The following SLFN12L variants were observed in gnomAD, a reference collection of about 807,000 sequenced individuals.
SLFN12L encodes the protein schlafen family member 12 like.
Under a neutral mutation model 34.8 loss-of-function variants are expected in SLFN12L, and 34 were observed. That is an observed-to-expected ratio of 0.98 (90% CI 0.74 to 1.30). The LOEUF (loss-of-function observed/expected upper bound fraction) is 1.30, where lower values mean the gene tolerates loss of function less well. Among genes scored for constraint, SLFN12L ranks in the 50% most tolerant of loss-of-function variants. The probability of loss-of-function intolerance (pLI) is 0.00; values close to 1 mark genes in which losing one functional copy is unlikely to be tolerated. For synonymous variants in SLFN12L, 259 were observed against 247.5 expected, an observed-to-expected ratio of 1.05 and a Z score of -0.44; for missense variants, 703 against 696.2, an observed-to-expected ratio of 1.01 and a Z score of -0.11.
At chr17:35,496,358 G>C (rs1278807438) in intron 2 of SLFN12L, among the ~76,000 whole-genome samples, 1 of 152,104 alleles carries the variant, frequency 6.6e-6, no homozygotes, top group Non-Finnish European at 1.5e-5. Context: ...AAAAAAAATA[G>C]ATTTCTTAAA....
chr17:35,523,984 G>T (rs2072307699), intron 1 of SLFN12L, among the ~76,000 whole-genome samples: 1 of 152,030 alleles, frequency 6.6e-6, no homozygotes, highest in Non-Finnish European at 1.5e-5. Flanking sequence ...AGAAAAACAA[G>T]AATGTTTTTG....
At chr17:35,489,555 A>G (rs1035246335) in intron 2 of SLFN12L, among the ~76,000 whole-genome samples, 2 of 151,992 alleles carry the variant, frequency 1.3e-5, no homozygotes, top group African/African-American at 2.4e-5. Flanking sequence ...CCCTGTCCGT[A>G]TATATATGTA....
chr17:35,505,869 T>C (rs1915450433), intron 2 of SLFN12L, among the ~76,000 whole-genome samples: 1 of 152,218 alleles, frequency 6.6e-6, no homozygotes, highest in Non-Finnish European at 1.5e-5. Flanking sequence ...TTTGGACTTG[T>C]ATAGTAAGTA....
rs1365975684 is a variant in SLFN12L at position 35,466,774 on chromosome 17, A to C, written c.*8149T>G. On this transcript the variant is annotated 3_prime_UTR_variant, in exon 5 of 5. Transcript: ENST00000628453. The stretch of plus-strand genomic sequence containing the variant: ...TACTGAAGAGACTTTAACAAGCTCT[A>C]CTCATGCCTCCTAAAGTCTAGACCA... 6.6e-6 allele frequency among the ~76,000 whole-genome samples: 1 copy of C among 152,168 alleles called. No individual in the cohort carries two copies. The highest frequency in any genetic ancestry group is 2.4e-5 in the African/African-American group (1 of 41,430).
rs1490210463 is a variant in SLFN12L at position 35,478,036 on chromosome 17, G to A, written c.1276+39C>T. Reference sequence around the variant, plus strand: ...TTGAAGAGAAGGAGGTTTGAACACAGTTACACCAACAACTCCACGGAAGCC... The same window carrying A: ...TTGAAGAGAAGGAGGTTTGAACACAATTACACCAACAACTCCACGGAAGCC... On this transcript the variant is annotated intron_variant, in intron 4 of 4. Coordinates refer to ENST00000628453, the MANE Select transcript of SLFN12L (RefSeq NM_001363830.2). 10 of 1,322,482 alleles carry A rather than the reference G, an allele frequency of 7.6e-6. No individual in the cohort carries two copies. The East Asian group carries it at 2.3e-4, about 30-fold the overall frequency. The allele number at this position is 1,322,482 out of a possible 1,614,324, so 81.9% of individuals were successfully genotyped here. A position where few individuals can be genotyped will look rare whatever the true frequency, so the allele number is the denominator to read the frequency against.
rs1262114623 is a variant in SLFN12L, at chr17:35,472,098, C to A, written c.*2825G>T. 1.3e-5 allele frequency among the ~76,000 whole-genome samples: 2 copies of A among 152,190 alleles called. No individual in the cohort carries two copies. Among genetic ancestry groups the A allele is most frequent in the Non-Finnish European group, 2.9e-5 (2 of 68,034 alleles). On this transcript the variant is annotated 3_prime_UTR_variant, in exon 5 of 5. Coordinates refer to ENST00000628453, the MANE Select transcript of SLFN12L (RefSeq NM_001363830.2). ...CGTTTGTCAACTTTGGCTTTCGTTG[C>A]AATTGCTTTTGGTGTTTTTGTCATG...
intron 2 of SLFN12L, among the ~76,000 whole-genome samples, chr17:35,508,607 C>A (rs1324636325): frequency 2.0e-5 from 3 of 152,162 alleles, no homozygotes; most frequent in Non-Finnish European, 4.4e-5. Flanking sequence ...CTTGGCCTCC[C>A]AAAGTGCTGG....
intron 2 of SLFN12L, chr17:35,498,661 TC>T: frequency 6.2e-7 from 1 of 1,601,314 alleles, no homozygotes; most frequent in Non-Finnish European, 8.5e-7. Flanking sequence ...ATCCAGGACA[TC>T]CTATCTAACT....
At chr17:35,499,261 T>G (rs1915207207) in intron 2 of SLFN12L, 1 of 818,244 alleles carries the variant, frequency 1.2e-6, no homozygotes, top group Non-Finnish European at 1.8e-6. Flanking sequence ...TATCTTAGAA[T>G]GGACTTCCTA....
intron 2 of SLFN12L, among the ~76,000 whole-genome samples, chr17:35,506,685 TG>T (rs1915473881): frequency 6.6e-6 from 1 of 152,206 alleles, no homozygotes; most frequent in Non-Finnish European, 1.5e-5. Flanking sequence ...AAGCCGAGCA[TG>T]TAGCCCAGTC....
In SLFN12L at chr17:35,487,127, G is replaced by A. The variant is rs147147290; in HGVS notation, c.87-6932C>T. ...CCCTGAATGCTCAGGACTCCAGGAG[G>A]GTGGGCAACCCCCATCCGATGGACA... is the stretch of plus-strand genomic sequence containing the variant. On this transcript the variant is annotated intron_variant, in intron 2 of 4. Transcript: ENST00000628453. 3.0e-3 allele frequency among the ~76,000 whole-genome samples: 453 copies of A among 152,296 alleles called. 1 individual carries two copies. The highest frequency in any genetic ancestry group is 2.9e-3 in the Non-Finnish European group (196 of 68,020).
intron 2 of SLFN12L, 41 bp from the exon 3 acceptor site, chr17:35,480,236 G>A: frequency 7.0e-7 from 1 of 1,430,602 alleles, no homozygotes; most frequent in Non-Finnish European, 9.3e-7. Context: ...AAGCCTGAGA[G>A]ACAGCAAATT....
At chr17:35,483,918 A>G (rs1170369427) in intron 2 of SLFN12L, among the ~76,000 whole-genome samples, 1 of 152,234 alleles carries the variant, frequency 6.6e-6, no homozygotes, top group African/African-American at 2.4e-5. Context: ...TGTAAACAAT[A>G]ATAAAATTGA....
intron 2 of SLFN12L, among the ~76,000 whole-genome samples, chr17:35,520,650 CAGG>C (rs1915969897): frequency 6.6e-6 from 1 of 151,916 alleles, no homozygotes; most frequent in Non-Finnish European, 1.5e-5. Context: ...GAGGTTGAGG[CAGG>C]AGAATTTGCT....
At chr17:35,485,123 A>G (rs565411574) in intron 2 of SLFN12L, among the ~76,000 whole-genome samples, 5 of 152,234 alleles carry the variant, frequency 3.3e-5, no homozygotes, top group African/African-American at 1.2e-4. Context: ...TCTTTCATCA[A>G]TCTAGCTAAA....
chr17:35,536,904 G>C (rs754017845), intron 1 of SLFN12L, among the ~76,000 whole-genome samples: 1 of 150,430 alleles, frequency 6.6e-6, no homozygotes, highest in Non-Finnish European at 1.5e-5. Flanking sequence ...GGCTGGGTAC[G>C]GTGGCTAATG....
In SLFN12L at chr17:35,531,126, G is replaced by T. The variant is rs1390890039; in HGVS notation, c.-606+6447C>A. Among the ~76,000 whole-genome samples the T allele has an allele frequency of 2.6e-5, 4 of 152,174 alleles. No individual in the cohort carries two copies. The East Asian group carries it at 7.7e-4, about 29-fold the overall frequency. On this transcript the variant is annotated intron_variant, in intron 1 of 4. Coordinates refer to ENST00000628453, the MANE Select transcript of SLFN12L (RefSeq NM_001363830.2). ...AAATAAAGGGAATAATAAATGTAAGGGCAGGAGGAAATTGAAAAATTAAAA... is the reference window on the plus strand; with the variant it reads ...AAATAAAGGGAATAATAAATGTAAGTGCAGGAGGAAATTGAAAAATTAAAA...
At chr17:35,488,843 G>A (rs1313985877) in intron 2 of SLFN12L, among the ~76,000 whole-genome samples, 1 of 151,990 alleles carries the variant, frequency 6.6e-6, no homozygotes, top group Non-Finnish European at 1.5e-5. Flanking sequence ...GCAGAGGCGG[G>A]CGGATCACCT....
chr17:35,518,007 A>G (rs375271238), intron 2 of SLFN12L, among the ~76,000 whole-genome samples: 2 of 152,072 alleles, frequency 1.3e-5, no homozygotes, highest in Non-Finnish European at 2.9e-5. Flanking sequence ...CATGACTAAA[A>G]CAAAAGCAAT....
Sources: allele counts gnomAD v4.1 joint callset (sites outside exome capture counted in the v4.1 genomes callset), GRCh38; gene constraint gnomAD v4.1.1; transcripts MANE v1.5; gene names NCBI Gene and HGNC (gene_info 2026-07-23, HGNC 2026-07-21).